TMED3: variants seen among roughly 807,000 people sequenced by gnomAD.
TMED3 encodes transmembrane emp24 domain-containing protein 3.
A neutral mutation model predicts 15.0 loss-of-function variants in TMED3; 9 were observed. The ratio of observed to expected loss-of-function variants is 0.60; its 90% CI spans 0.36 to 1.04. The LOEUF (loss-of-function observed/expected upper bound fraction) is 1.04. TMED3 is among the 50% of genes least tolerant of loss of function. The probability of loss-of-function intolerance (pLI) is 0.01; values close to 1 mark genes in which losing one functional copy is unlikely to be tolerated. For synonymous variants in TMED3, 117 were observed against 121.4 expected (o/e 0.96, Z 0.24); for missense variants, 267 against 278.9 (o/e 0.96, Z 0.30).
chr15:79,396,150 A>T (rs1292957569), intron 2 of TMED3, among the ~76,000 whole-genome samples: 1 of 152,136 alleles, frequency 6.6e-6, no homozygotes, highest in African/African-American at 2.4e-5. Flanking sequence ...CCTCCGTAAC[A>T]ATTATCTTCT....
intron 2 of TMED3, among the ~76,000 whole-genome samples, chr15:79,356,884 A>C (rs2058921421): frequency 6.6e-6 from 1 of 152,222 alleles, no homozygotes; most frequent in Admixed American, 6.5e-5. Context: ...TAAGATATGC[A>C]ACACTGTGGA....
chr15:79,380,907 T>G (rs1172320218), intron 2 of TMED3, among the ~76,000 whole-genome samples: 1 of 152,170 alleles, frequency 6.6e-6, no homozygotes, highest in African/African-American at 2.4e-5. Flanking sequence ...ATTGTCCCTT[T>G]GACATCCTGC....
At chr15:79,390,097 T>C (rs1893678114) in intron 2 of TMED3, among the ~76,000 whole-genome samples, 1 of 152,186 alleles carries the variant, frequency 6.6e-6, no homozygotes, top group Non-Finnish European at 1.5e-5. Context: ...TCTTGTCTGA[T>C]TGCTCTGGCT....
At chr15:79,365,958 G>A (rs1893226796) in intron 2 of TMED3, among the ~76,000 whole-genome samples, 1 of 152,174 alleles carries the variant, frequency 6.6e-6, no homozygotes, top group Admixed American at 6.5e-5. Context: ...TATCTTGTGT[G>A]GAGTCCTAAT....
intron 2 of TMED3, among the ~76,000 whole-genome samples, chr15:79,368,581 G>A (rs1595902408): frequency 6.6e-6 from 1 of 152,154 alleles, no homozygotes; most frequent in East Asian, 1.9e-4. Flanking sequence ...GGAATTGGGG[G>A]TTAATTCTAT....
At chr15:79,411,157 A>AACAGG (rs1407882187) in intron 2 of TMED3, among the ~76,000 whole-genome samples, 1 of 152,170 alleles carries the variant, frequency 6.6e-6, no homozygotes, top group Non-Finnish European at 1.5e-5. Flanking sequence ...CCAGGGGAAA[A>AACAGG]ACAGGAACTA....
At position 79,396,762 on chromosome 15, in the gene TMED3, T is replaced by C. The variant is rs180799369; in HGVS notation, c.418-14638T>C. ...AGCCTGAAGTGAGACTTCAGGCAAC[T>C]GAAGTAAATGCAAGACACATTCTGA... On this transcript the variant is annotated intron_variant, in intron 2 of 2. Transcript: ENST00000424155. 9.1e-4 allele frequency among the ~76,000 whole-genome samples: 139 copies of C among 152,356 alleles called. 3 individuals are homozygous for C. Among genetic ancestry groups the C allele is most frequent in the Admixed American group, 7.6e-3 (116 of 15,308 alleles).
chr15:79,360,646 TG>T (rs1567032489), intron 2 of TMED3, among the ~76,000 whole-genome samples: 1 of 152,074 alleles, frequency 6.6e-6, no homozygotes, highest in Non-Finnish European at 1.5e-5. Flanking sequence ...GTGCCTTAAG[TG>T]GATTATATAT....
At chr15:79,408,317 A>G (rs1893927860) in intron 2 of TMED3, among the ~76,000 whole-genome samples, 1 of 152,204 alleles carries the variant, frequency 6.6e-6, no homozygotes, top group Non-Finnish European at 1.5e-5. Flanking sequence ...TGCTTCTGCC[A>G]GTCGCAGTTC....
At chr15:79,368,588 CTA>C (rs1893280956) in intron 2 of TMED3, among the ~76,000 whole-genome samples, 1 of 152,008 alleles carries the variant, frequency 6.6e-6, no homozygotes, top group African/African-American at 2.4e-5. Context: ...GGGGTTAATT[CTA>C]TGTTTGGGTA....
Position 79,311,197 on chromosome 15 carries a change from C to G in TMED3, c.-53C>G. On this transcript the variant is annotated 5_prime_UTR_variant, in exon 1 of 3. Coordinates refer to ENST00000299705, the MANE Select transcript of TMED3 (RefSeq NM_007364.4). ...CCGGTCGGTAGTCGTCGCCCCAGCC[C>G]GCCGGGGGCGCAGCGCCCGAGCCGC... 6.5e-7 allele frequency: 1 copy of G among 1,534,708 alleles called. No homozygotes were observed. The highest frequency in any genetic ancestry group is 2.4e-5 in the East Asian group (1 of 41,266).
chr15:79,322,565 C>G lies in TMED3; in HGVS notation c.*351C>G. The G allele has an allele frequency of 2.8e-6, 3 of 1,087,850 alleles. No homozygotes were observed. Among genetic ancestry groups the G allele is most frequent in the Non-Finnish European group, 3.4e-6 (3 of 895,470 alleles). 67.4% of individuals were successfully genotyped at this position (1,087,850 alleles called of 1,614,324 possible). Reference sequence around the variant, plus strand: ...TCTTGGGCAGCTTAGGGCCCTGCCTCTGTTTCATGATGCATGGGTCATTTG... The same window carrying G: ...TCTTGGGCAGCTTAGGGCCCTGCCTGTGTTTCATGATGCATGGGTCATTTG... On this transcript the variant is annotated 3_prime_UTR_variant, in exon 3 of 3. Transcript: ENST00000299705.
At chr15:79,353,333 A>AT (rs1401840558) in intron 2 of TMED3, among the ~76,000 whole-genome samples, 1 of 94,124 alleles carries the variant, frequency 1.1e-5, no homozygotes, top group Non-Finnish European at 1.9e-5. Context: ...TATAATATAT[A>AT]TTATGTATAT....
In TMED3 at chr15:79,411,205, C is replaced by T. The variant is rs28614142; in HGVS notation, c.418-195C>T. Among the ~76,000 whole-genome samples the T allele has an allele frequency of 6.3e-3, 953 of 152,224 alleles. 10 individuals are homozygous for T. Among genetic ancestry groups the T allele is most frequent in the African/African-American group, 0.021 (873 of 41,514 alleles). ...TTTATCTTGTGGTTCCCAAGAGCTC[C>T]CCATTTCTGGCAGGTGAATGTGTAA... On this transcript the variant is annotated intron_variant, in intron 2 of 2. Transcript: ENST00000424155.
In TMED3 at chr15:79,322,424, A is replaced by G; in HGVS notation, c.*210A>G. 7.1e-7 allele frequency: 1 copy of G among 1,411,774 alleles called. No individual in the cohort carries two copies. Among genetic ancestry groups the G allele is most frequent in the Non-Finnish European group, 9.2e-7 (1 of 1,086,216 alleles). 87.5% of individuals were successfully genotyped at this position (1,411,774 alleles called of 1,614,324 possible). A position where few individuals can be genotyped will look rare whatever the true frequency, so the allele number is the denominator to read the frequency against. On this transcript the variant is annotated 3_prime_UTR_variant, in exon 3 of 3. Transcript: ENST00000299705. ...AATCAGAAGGCATCCGACTGCATTAAGTGTGCAGCGCTGAAAAGACATTTA... is the reference window on the plus strand; with the variant it reads ...AATCAGAAGGCATCCGACTGCATTAGGTGTGCAGCGCTGAAAAGACATTTA...
chr15:79,409,028 A>T (rs1443218760), intron 2 of TMED3, among the ~76,000 whole-genome samples: 1 of 152,240 alleles, frequency 6.6e-6, no homozygotes, highest in Admixed American at 6.5e-5. Flanking sequence ...TTCTCTCAAA[A>T]GCTTGATTCC....
chr15:79,350,662 C>G (rs1313275451), intron 2 of TMED3, among the ~76,000 whole-genome samples: 2 of 152,120 alleles, frequency 1.3e-5, no homozygotes, highest in Admixed American at 6.5e-5. Flanking sequence ...TTCACAGACT[C>G]AAATGTTAAT....
At chr15:79,364,365 G>A (rs558178856) in intron 2 of TMED3, among the ~76,000 whole-genome samples, 1 of 151,998 alleles carries the variant, frequency 6.6e-6, no homozygotes, top group East Asian at 1.9e-4. Flanking sequence ...CAGGTCGGAG[G>A]TTCTCCGGGG....
intron 2 of TMED3, among the ~76,000 whole-genome samples, chr15:79,409,507 G>C (rs77285822): frequency 2.0e-5 from 3 of 152,322 alleles, no homozygotes; most frequent in African/African-American, 7.2e-5. Flanking sequence ...ATGCAAATGG[G>C]CCCGCTAACA....
Sources: allele counts gnomAD v4.1 joint callset (sites outside exome capture counted in the v4.1 genomes callset), GRCh38; gene constraint gnomAD v4.1.1; transcripts MANE v1.5; gene names NCBI Gene and HGNC (gene_info 2026-07-23, HGNC 2026-07-21).